The following TNFRSF21 variants were observed in gnomAD, a reference collection of about 807,000 sequenced individuals.
The protein encoded by TNFRSF21 is TNF receptor superfamily member 21, also known as tumor necrosis factor receptor superfamily member 21.
Under a neutral mutation model 45.6 loss-of-function variants are expected in TNFRSF21, and 19 were observed. The ratio of observed to expected loss-of-function variants is 0.42; its 90% CI spans 0.29 to 0.61. The LOEUF is 0.61. Among genes scored for constraint, TNFRSF21 ranks in the 20% least tolerant of loss-of-function variants. The pLI is 0.23. For missense variants in TNFRSF21, 737 were observed against 851.5 expected, an observed-to-expected ratio of 0.87 and a Z score of 1.67; for synonymous variants, 314 against 335.5, an observed-to-expected ratio of 0.94 and a Z score of 0.70.
chr6:47,247,695 T>C (rs189805387), intron 4 of TNFRSF21, among the ~76,000 whole-genome samples: 24 of 152,274 alleles, frequency 1.6e-4, no homozygotes, highest in Admixed American at 7.8e-4. Context: ...TCTCTAGCTG[T>C]TGGGATTCTC....
intron 3 of TNFRSF21, among the ~76,000 whole-genome samples, chr6:47,258,870 G>C (rs1415641360): frequency 6.6e-6 from 1 of 152,170 alleles, no homozygotes; most frequent in Non-Finnish European, 1.5e-5. Context: ...TCTCTGTCAT[G>C]ACTCCTCAGC....
At chr6:47,273,092 G>A (rs1449006470) in intron 3 of TNFRSF21, among the ~76,000 whole-genome samples, 1 of 152,138 alleles carries the variant, frequency 6.6e-6, no homozygotes, top group Non-Finnish European at 1.5e-5. Flanking sequence ...AGTACAAAGA[G>A]GAGCTGGTAC....
rs1375742710 is a variant in TNFRSF21 at position 47,305,147 on chromosome 6, C to A, written c.96+4269G>T. ...GTATACTACATTCATCCAGTGATTC[C>A]ACATGAGCGAGTAAAACCCAACCAG... On this transcript the variant is annotated intron_variant, in intron 1 of 5. Transcript: ENST00000296861. 2.0e-5 allele frequency among the ~76,000 whole-genome samples: 3 copies of A among 152,098 alleles called. 1 individual carries two copies. The South Asian group carries it at 6.2e-4, about 32-fold the overall frequency.
Position 47,262,208 on chromosome 6 carries a change from G to A in TNFRSF21, c.1244-8687C>T, listed in dbSNP as rs377411002. Among the ~76,000 whole-genome samples the A allele has an allele frequency of 7.9e-5, 12 of 152,248 alleles. No homozygotes were observed. The South Asian group carries it at 1.5e-3, about 18-fold the overall frequency. Reference sequence around the variant, plus strand: ...GTAAATGGACAACATGTTTTCCAACGATAAACTATCAAAACAGTAGACAAT... The same window carrying A: ...GTAAATGGACAACATGTTTTCCAACAATAAACTATCAAAACAGTAGACAAT... On this transcript the variant is annotated intron_variant, in intron 3 of 5. Coordinates refer to ENST00000296861, the MANE Select transcript of TNFRSF21 (RefSeq NM_014452.5).
chr6:47,308,257 C>G (rs1399219620), intron 1 of TNFRSF21, among the ~76,000 whole-genome samples: 3 of 152,356 alleles, frequency 2.0e-5, no homozygotes, highest in African/African-American at 7.2e-5. Context: ...ATAGCAACTG[C>G]AATGTCCTGA....
intron 1 of TNFRSF21, among the ~76,000 whole-genome samples, chr6:47,287,271 C>A (rs1762663257): frequency 7.8e-6 from 1 of 128,278 alleles, no homozygotes; most frequent in Admixed American, 8.8e-5. Context: ...CAAACCATTG[C>A]ACTCCAGCCT....
chr6:47,246,575 G>A (rs565241377), intron 4 of TNFRSF21, among the ~76,000 whole-genome samples: 17 of 152,276 alleles, frequency 1.1e-4, no homozygotes, highest in Non-Finnish European at 2.4e-4. Flanking sequence ...TATCTAGCAC[G>A]TGACATGAAC....
intron 3 of TNFRSF21, among the ~76,000 whole-genome samples, chr6:47,262,054 C>CTT (rs1765080684): frequency 1.3e-5 from 2 of 152,116 alleles, no homozygotes; most frequent in African/African-American, 2.4e-5. Flanking sequence ...AAAATTATTT[C>CTT]TGAAGCAGAA....
chr6:47,233,561 TTTC>T (rs1341667769), intron 5 of TNFRSF21, among the ~76,000 whole-genome samples: 2 of 151,958 alleles, frequency 1.3e-5, no homozygotes, highest in Non-Finnish European at 2.9e-5. Flanking sequence ...GAAAATATGA[TTTC>T]TTCTCAGGTC....
At chr6:47,260,541 T>C (rs762547239) in intron 3 of TNFRSF21, among the ~76,000 whole-genome samples, 1 of 152,124 alleles carries the variant, frequency 6.6e-6, no homozygotes, top group Non-Finnish European at 1.5e-5. Context: ...AGCTTCAGGA[T>C]GCAAAAATGG....
intron 3 of TNFRSF21, among the ~76,000 whole-genome samples, chr6:47,260,085 A>G (rs888586497): frequency 6.6e-6 from 1 of 152,020 alleles, no homozygotes; most frequent in Admixed American, 6.6e-5. Context: ...CTGCCCCTCC[A>G]TTTCTGCTTG....
chr6:47,249,606 T>G (rs182554294), intron 4 of TNFRSF21, among the ~76,000 whole-genome samples: 32 of 152,290 alleles, frequency 2.1e-4, no homozygotes, highest in African/African-American at 7.2e-4. Context: ...AAGATCAATA[T>G]GCAGATAAAT....
intron 1 of TNFRSF21, among the ~76,000 whole-genome samples, chr6:47,294,024 G>A (rs1391334111): frequency 6.6e-6 from 1 of 152,230 alleles, no homozygotes; most frequent in African/African-American, 2.4e-5. Flanking sequence ...TCATGGTAAT[G>A]TCTGACAAGT....
At chr6:47,245,427 AGTGT>A (rs375623340) in intron 4 of TNFRSF21, among the ~76,000 whole-genome samples, 10,352 of 142,164 alleles carry the variant, frequency 0.073, 370 homozygotes, top group South Asian at 0.17. Flanking sequence ...ACTAAGAAGA[AGTGT>A]GTGTGTGTGT....
At chr6:47,252,847 T>A (rs562884634) in intron 4 of TNFRSF21, among the ~76,000 whole-genome samples, 1 of 152,194 alleles carries the variant, frequency 6.6e-6, no homozygotes, top group Non-Finnish European at 1.5e-5. Context: ...ATAAGCCACA[T>A]CACAAAAACA....
intron 4 of TNFRSF21, among the ~76,000 whole-genome samples, chr6:47,238,330 T>C (rs1764691005): frequency 6.6e-6 from 1 of 152,252 alleles, no homozygotes; most frequent in East Asian, 1.9e-4. Flanking sequence ...TAAGAAAACG[T>C]GGCCTGTAAA....
chr6:47,291,658 C>T (rs1469883512), intron 1 of TNFRSF21, among the ~76,000 whole-genome samples: 2 of 152,172 alleles, frequency 1.3e-5, no homozygotes, highest in Admixed American at 1.3e-4. Context: ...GGCTCCAAGC[C>T]CCCCATCTCT....
intron 1 of TNFRSF21, among the ~76,000 whole-genome samples, chr6:47,306,596 GCT>G (rs891209102): frequency 1.6e-4 from 24 of 151,992 alleles, no homozygotes; most frequent in Admixed American, 4.6e-4. Context: ...TGTAGCAATT[GCT>G]CTCTCTATAC....
At chr6:47,270,597 CG>C (rs1762401476) in intron 3 of TNFRSF21, among the ~76,000 whole-genome samples, 1 of 152,142 alleles carries the variant, frequency 6.6e-6, no homozygotes, top group South Asian at 2.1e-4. Flanking sequence ...AAAATCAGAG[CG>C]CATCTTCTCC....
Sources: allele counts gnomAD v4.1 joint callset (sites outside exome capture counted in the v4.1 genomes callset), GRCh38; gene constraint gnomAD v4.1.1; transcripts MANE v1.5; gene names NCBI Gene and HGNC (gene_info 2026-07-23, HGNC 2026-07-21).